The following MYO1H variants were observed in gnomAD, a reference collection of about 807,000 sequenced individuals.
MYO1H encodes myosin IH.
A neutral mutation model predicts 149.3 loss-of-function variants in MYO1H; 118 were observed. That is an observed-to-expected ratio of 0.79 (90% CI 0.68 to 0.92). The LOEUF is 0.92. Ranked by LOEUF, MYO1H falls within the 40% of genes least tolerant of loss-of-function variation. MYO1H has a pLI of 0.00. For missense variants in MYO1H, 1,212 were observed against 1,280.7 expected (o/e 0.95, Z 0.82); for synonymous variants, 447 against 465.2 (o/e 0.96, Z 0.50).
intron 19 of MYO1H, 107 bp downstream of exon 19, chr12:109,427,693 T>C: frequency 1.3e-6 from 1 of 779,946 alleles, no homozygotes; most frequent in Non-Finnish European, 2.2e-6. Context: ...AGGCTCAGTT[T>C]GGTTGTTAAC....
At chr12:109,385,319 A>G (rs916924774) in intron 1 of MYO1H, among the ~76,000 whole-genome samples, 3 of 149,210 alleles carry the variant, frequency 2.0e-5, no homozygotes, top group African/African-American at 7.4e-5. Context: ...TTTTAAGACA[A>G]TGTCTCACTC....
intron 22 of MYO1H, among the ~76,000 whole-genome samples, chr12:109,437,055 C>T (rs907710867): frequency 5.9e-5 from 9 of 152,098 alleles, no homozygotes; most frequent in African/African-American, 1.7e-4. Context: ...CAGTGAGCCA[C>T]GATGGAACCA....
intron 27 of MYO1H, among the ~76,000 whole-genome samples, chr12:109,443,082 G>GTATGTGTGTATATATGTGTACGTA (rs71079563): frequency 0.86 from 42,412 of 49,598 alleles, 18,963 homozygotes; most frequent in Middle Eastern, 0.9. Flanking sequence ...ATATGTGTAC[G>GTATGTGTGTATATATGTGTACGTA]TATGTGTGTA....
At chr12:109,388,343 C>T (rs570100567) in intron 1 of MYO1H, among the ~76,000 whole-genome samples, 1 of 152,266 alleles carries the variant, frequency 6.6e-6, no homozygotes, top group African/African-American at 2.4e-5. Context: ...TTGGGCGTGG[C>T]TTATGACATT....
At chr12:109,423,637 CTA>C (rs1185194121) in intron 16 of MYO1H, among the ~76,000 whole-genome samples, 1 of 152,178 alleles carries the variant, frequency 6.6e-6, no homozygotes, top group East Asian at 1.9e-4. Context: ...CTTTCTACCT[CTA>C]TGAACTTCAG....
the MYO1H span, among the ~76,000 whole-genome samples, chr12:109,339,749 A>G: frequency 6.6e-6 from 1 of 152,216 alleles, no homozygotes; most frequent in Non-Finnish European, 1.5e-5. Context: ...AGCATAGGAA[A>G]AGAGGATCAG....
chr12:109,400,034 AT>A (rs1332296759), intron 5 of MYO1H, among the ~76,000 whole-genome samples: 1 of 152,176 alleles, frequency 6.6e-6, no homozygotes, highest in Non-Finnish European at 1.5e-5. Context: ...TGAAGTGCAT[AT>A]GAATGAAATT....
chr12:109,335,770 A>G, the MYO1H span, among the ~76,000 whole-genome samples: 5 of 152,142 alleles, frequency 3.3e-5, no homozygotes, highest in African/African-American at 7.2e-5. Context: ...TAAGGCTCCT[A>G]TGCATTTCTT....
At chr12:109,444,361 T>C in intron 29 of MYO1H, 71 bp from the exon 30 acceptor site, 2 of 1,570,540 alleles carry the variant, frequency 1.3e-6, no homozygotes, top group South Asian at 2.2e-5. Context: ...ACCGTGAAAC[T>C]TCTCTATTGG....
chr12:109,380,920 T>C (rs1281093967), intron 1 of MYO1H, among the ~76,000 whole-genome samples: 1 of 152,216 alleles, frequency 6.6e-6, no homozygotes, highest in African/African-American at 2.4e-5. Context: ...CACTCCAGCC[T>C]GGGCAACAGA....
intron 5 of MYO1H, among the ~76,000 whole-genome samples, chr12:109,399,258 T>C (rs985308060): frequency 6.6e-6 from 1 of 152,166 alleles, no homozygotes; most frequent in Non-Finnish European, 1.5e-5. Context: ...TACGTATGTG[T>C]CCACCTCTGT....
chr12:109,360,202 A>T (rs556241464), intron 1 of MYO1H, among the ~76,000 whole-genome samples: 2 of 151,928 alleles, frequency 1.3e-5, no homozygotes, highest in Non-Finnish European at 2.9e-5. Flanking sequence ...GAACTTATTC[A>T]GAGTTTCCCA....
chr12:109,338,375 G>A, the MYO1H span, among the ~76,000 whole-genome samples: 1 of 152,068 alleles, frequency 6.6e-6, no homozygotes, highest in African/African-American at 2.4e-5. Context: ...CAACTCACAG[G>A]GCAAAAACAG....
At chr12:109,321,976 C>T in the MYO1H span, among the ~76,000 whole-genome samples, 1 of 152,118 alleles carries the variant, frequency 6.6e-6, no homozygotes, top group Non-Finnish European at 1.5e-5. Context: ...CCAAAGGGAA[C>T]ACATCTGAAG....
chr12:109,409,246 C>CTTTTTTTTTTT (rs66507410), intron 10 of MYO1H, among the ~76,000 whole-genome samples: 186 of 47,852 alleles, frequency 3.9e-3, no homozygotes, highest in East Asian at 5.3e-3. Context: ...TCTTCTTCTT[C>CTTTTTTTTTTT]TTTTTTTTTT....
At chr12:109,446,712 T>C (rs1022664202) in intron 31 of MYO1H, among the ~76,000 whole-genome samples, 13 of 152,280 alleles carry the variant, frequency 8.5e-5, no homozygotes, top group South Asian at 4.1e-4. Context: ...TGCAGTGAGC[T>C]GAGATCGCAC....
At chr12:109,332,800 T>C in the MYO1H span, among the ~76,000 whole-genome samples, 2,581 of 152,204 alleles carry the variant, frequency 0.017, 23 homozygotes, top group Middle Eastern at 0.027. Context: ...CCAAAACTGG[T>C]CTCAAAGTCT....
intron 7 of MYO1H, 60 bp from the exon 8 acceptor site, chr12:109,405,862 G>T: frequency 8.3e-7 from 1 of 1,202,754 alleles, no homozygotes; most frequent in Non-Finnish European, 1.2e-6. Flanking sequence ...TCAATTAGGC[G>T]GCCACCGTTC....
the MYO1H span, among the ~76,000 whole-genome samples, chr12:109,337,123 A>G: frequency 6.6e-6 from 1 of 152,242 alleles, no homozygotes; most frequent in Non-Finnish European, 1.5e-5. Flanking sequence ...GACAATGACT[A>G]TGATACATTG....
Sources: allele counts gnomAD v4.1 joint callset (sites outside exome capture counted in the v4.1 genomes callset), GRCh38; gene constraint gnomAD v4.1.1; transcripts MANE v1.5; gene names NCBI Gene and HGNC (gene_info 2026-07-23, HGNC 2026-07-21).